The following PKHD1L1 variants were observed in gnomAD, a reference collection of about 807,000 sequenced individuals.
PKHD1L1 encodes the protein fibrocystin-L.
PKHD1L1 carries 434 observed loss-of-function variants against 462.9 expected under a neutral mutation model. The observed-to-expected ratio is 0.94, with a 90% CI of 0.87 to 1.02. PKHD1L1 has a LOEUF of 1.02. PKHD1L1 is among the 50% of genes least tolerant of loss of function. PKHD1L1 has a pLI of 0.00. For missense variants in PKHD1L1, 5,202 were observed against 5,096.1 expected, an observed-to-expected ratio of 1.02 and a Z score of -0.63; for synonymous variants, 1,781 against 1,750.0, an observed-to-expected ratio of 1.02 and a Z score of -0.44.
At chr8:109,427,868 T>A (rs1334033880) in intron 25 of PKHD1L1, among the ~76,000 whole-genome samples, 2 of 151,738 alleles carry the variant, frequency 1.3e-5, no homozygotes, top group Non-Finnish European at 2.9e-5. Context: ...AAATACAAAA[T>A]TAGCTGGACG....
rs1814216502 is a variant in PKHD1L1, at chr8:109,417,110, A to T, written c.2361-1987A>T. Among the ~76,000 whole-genome samples, 3 of 152,166 alleles carry T rather than the reference A, an allele frequency of 2.0e-5. No individual in the cohort carries two copies. In the South Asian group the frequency reaches 6.2e-4, roughly 32 times the overall value. On this transcript the variant is annotated intron_variant, in intron 21 of 77. Coordinates refer to ENST00000378402, the MANE Select transcript of PKHD1L1 (RefSeq NM_177531.6). ...TTAATGGGTACAAAAAATAGCTAGA[A>T]AGAATGAATAAGACCTAGTATTTGA...
chr8:109,475,246 A>G lies in PKHD1L1; in HGVS notation c.8734A>G (p.Thr2912Ala). The change falls in exon 51 of 78, where the codon ACA (threonine) becomes GCA (alanine). Residue 2912 changes from threonine (T) to alanine (A), a missense_variant. Thr to Ala is a moderately conservative substitution (Grantham distance 58, BLOSUM62 0). Transcript: ENST00000378402. ...GVDHITNISY[T>A]STFYGFKEED... ...GGATCACATAACCAACATTTCATAT[A>G]CATCGACATTCTATGGATTCAAGGT... 1 of 1,608,120 alleles carries G rather than the reference A, an allele frequency of 6.2e-7. No homozygotes were observed. The highest frequency in any genetic ancestry group is 8.5e-7 in the Non-Finnish European group (1 of 1,176,540).
chr8:109,486,155 C>G (rs895032368), intron 58 of PKHD1L1, among the ~76,000 whole-genome samples: 2 of 151,928 alleles, frequency 1.3e-5, no homozygotes, highest in Admixed American at 1.3e-4. Flanking sequence ...TTGATGAAGA[C>G]TTGTGGTTGA....
chr8:109,399,999 C>T (rs1762988734), intron 12 of PKHD1L1, 77 bp from the exon 13 acceptor site: 11 of 1,421,608 alleles, frequency 7.7e-6, no homozygotes, highest in Non-Finnish European at 1.1e-5. Context: ...AATCTATAAC[C>T]AACATCCAAA....
intron 2 of PKHD1L1, among the ~76,000 whole-genome samples, chr8:109,376,618 G>T (rs752914938): frequency 4.6e-5 from 7 of 152,114 alleles, no homozygotes; most frequent in African/African-American, 7.2e-5. Context: ...GACTGGAGCC[G>T]TTCCTATTAG....
chr8:109,490,183 G>A (rs1586613306), intron 60 of PKHD1L1, 128 bp downstream of exon 60: 2 of 602,066 alleles, frequency 3.3e-6, no homozygotes, highest in Admixed American at 6.9e-5. Context: ...AACTTTCTTG[G>A]CCCATTAACT....
intron 28 of PKHD1L1, among the ~76,000 whole-genome samples, chr8:109,433,783 T>C (rs149026270): frequency 2.6e-5 from 4 of 152,362 alleles, no homozygotes; most frequent in African/African-American, 4.8e-5. Flanking sequence ...ATTACATAAG[T>C]AAATTCATTT....
intron 67 of PKHD1L1, among the ~76,000 whole-genome samples, chr8:109,500,354 G>A (rs1257723491): frequency 1.3e-5 from 2 of 151,248 alleles, no homozygotes; most frequent in Non-Finnish European, 2.9e-5. Context: ...TGGCTTGCCT[G>A]GTAGAATGGC....
intron 27 of PKHD1L1, 146 bp downstream of exon 27, chr8:109,430,183 T>C (rs1815017052): frequency 2.1e-6 from 1 of 470,430 alleles, no homozygotes; most frequent in Non-Finnish European, 3.7e-6. Flanking sequence ...TTAAAAACCC[T>C]ATCAGAGAAA....
intron 77 of PKHD1L1, 21 bp downstream of exon 77, chr8:109,527,041 C>G: frequency 6.4e-7 from 1 of 1,554,954 alleles, no homozygotes; most frequent in African/African-American, 1.4e-5. Context: ...TCCATTAATA[C>G]ATTATTTCTC....
At chr8:109,412,146 T>G in intron 19 of PKHD1L1, 119 bp from the exon 20 acceptor site, 1 of 929,208 alleles carries the variant, frequency 1.1e-6, no homozygotes, top group Non-Finnish European at 1.6e-6. Context: ...CATCTAAAGT[T>G]AAAGTAATCA....
chr8:109,376,212 C>T (rs1397862670), intron 2 of PKHD1L1, among the ~76,000 whole-genome samples: 1 of 152,174 alleles, frequency 6.6e-6, no homozygotes, highest in Admixed American at 6.5e-5. Flanking sequence ...GGGTGCCCCT[C>T]CCCCAGCCTC....
intron 48 of PKHD1L1, among the ~76,000 whole-genome samples, chr8:109,462,856 T>C (rs1817216734): frequency 6.6e-6 from 1 of 152,002 alleles, no homozygotes; most frequent in Admixed American, 6.6e-5. Context: ...TGCTTTTCAT[T>C]CTGCTTGGAA....
Position 109,465,012 on chromosome 8 carries a change from G to T in PKHD1L1, c.8180G>T (p.Gly2727Val), listed in dbSNP as rs1348892113. 1.2e-6 allele frequency: 2 copies of T among 1,613,814 alleles called. No homozygotes were observed. The highest frequency in any genetic ancestry group is 1.7e-5 in the Admixed American group (1 of 59,984). ...GGGTCTGCATTTTGCACAGCAAAAG[G>T]CCTGGTTCTCCCATTTAGTGAAGGC... ...GMGSAFCTAK[G>V]LVLPFSEGLT... The change falls in exon 49 of 78, where the codon GGC (glycine) becomes GTC (valine). Residue 2727 changes from glycine (G) to valine (V), a missense_variant. Gly to Val is a moderately radical substitution (Grantham distance 109). Transcript: ENST00000378402.
chr8:109,436,879 C>T (rs553834255), intron 30 of PKHD1L1, among the ~76,000 whole-genome samples: 12 of 152,154 alleles, frequency 7.9e-5, no homozygotes, highest in Non-Finnish European at 1.6e-4. Flanking sequence ...CTAAAGATTT[C>T]AGGAAAGTAA....
At position 109,532,308 on chromosome 8, in the gene PKHD1L1, A is replaced by T. The variant is rs1447616043; in HGVS notation, c.*2218A>T. Among the ~76,000 whole-genome samples the T allele has an allele frequency of 6.6e-6, 1 of 152,216 alleles. No individual in the cohort carries two copies. Among genetic ancestry groups the T allele is most frequent in the Admixed American group, 6.5e-5 (1 of 15,286 alleles). ...TTCTGGCTGTCTGCTTTTTAAGAACATTCTAGAATTATCATAATAATTCCT... is the reference window on the plus strand; with the variant it reads ...TTCTGGCTGTCTGCTTTTTAAGAACTTTCTAGAATTATCATAATAATTCCT... On this transcript the variant is annotated 3_prime_UTR_variant, in exon 78 of 78. Transcript: ENST00000378402.
chr8:109,499,818 T>G (rs559537298), intron 67 of PKHD1L1, among the ~76,000 whole-genome samples: 2 of 152,228 alleles, frequency 1.3e-5, no homozygotes, highest in East Asian at 3.9e-4. Context: ...TAAGCAAGGA[T>G]GTGATATGAG....
At chr8:109,445,733 A>C (rs1222600284) in intron 38 of PKHD1L1, 88 bp downstream of exon 38, 7 of 1,317,606 alleles carry the variant, frequency 5.3e-6, no homozygotes, top group Non-Finnish European at 7.2e-6. Context: ...GTAAATAACT[A>C]TTAAGGTGTG....
At chr8:109,399,189 A>G in intron 12 of PKHD1L1, among the ~76,000 whole-genome samples, 1 of 152,170 alleles carries the variant, frequency 6.6e-6, no homozygotes. Context: ...TTTGGTTTGA[A>G]TATTAGAAAA....
Sources: allele counts gnomAD v4.1 joint callset (sites outside exome capture counted in the v4.1 genomes callset), GRCh38; gene constraint gnomAD v4.1.1; transcripts MANE v1.5; gene names NCBI Gene and HGNC (gene_info 2026-07-23, HGNC 2026-07-21).